KIRREL2: variants seen among roughly 807,000 people sequenced by gnomAD.
KIRREL2 encodes kin of IRRE-like protein 2.
KIRREL2 carries 56 observed loss-of-function variants against 73.4 expected under a neutral mutation model. The observed-to-expected ratio is 0.76, with a 90% CI of 0.62 to 0.95. KIRREL2 has a LOEUF of 0.95. Ranked by LOEUF, KIRREL2 falls within the 40% of genes least tolerant of loss-of-function variation. KIRREL2 has a pLI of 0.00. For missense variants in KIRREL2, 896 were observed against 935.0 expected (o/e 0.96, Z 0.54); for synonymous variants, 407 against 404.0 (o/e 1.01, Z -0.09).
chr19:35,854,961 G>A (rs1973372749), upstream of KIRREL2, among the ~76,000 whole-genome samples: 1 of 152,060 alleles, frequency 6.6e-6, no homozygotes, highest in Non-Finnish European at 1.5e-5. Context: ...ACATACACTT[G>A]CCTGGGATAA....
rs773158427 is a variant in KIRREL2, at chr19:35,858,782, G to A, written c.440G>A (p.Arg147Gln). Residue 147 changes from arginine (R) to glutamine (Q), a missense_variant, in exon 4 of 15, where the codon CGG becomes CAG. Transcript: ENST00000360202. ...GGAGTTCCTGCGAACCTGACATGTCGGAGCCGTGGGGATGCCCGCCCTACC... is the reference window on the plus strand; with the variant it reads ...GGAGTTCCTGCGAACCTGACATGTCAGAGCCGTGGGGATGCCCGCCCTACC... The part of the protein sequence containing the change: ...VAGVPANLTC[R>Q]SRGDARPTPE... 8.7e-6 allele frequency: 14 copies of A among 1,614,040 alleles called. No homozygotes were observed. The highest frequency in any genetic ancestry group is 3.3e-5 in the Admixed American group (2 of 59,992).
chr19:35,853,114 A>T (rs2146836886), upstream of KIRREL2, among the ~76,000 whole-genome samples: 1 of 152,136 alleles, frequency 6.6e-6, no homozygotes, highest in Admixed American at 6.5e-5. Flanking sequence ...TTTTTAGTAG[A>T]CATCAGTGCC....
chr19:35,851,846 C>A, upstream of KIRREL2: 1 of 1,550,404 alleles, frequency 6.4e-7, no homozygotes, highest in Non-Finnish European at 8.7e-7. Context: ...ATCACAGGTC[C>A]CCCTACTGTG....
In KIRREL2 at chr19:35,860,410, C is replaced by A. The variant is rs756304802; in HGVS notation, c.779+8C>A. 2.5e-6 allele frequency: 4 copies of A among 1,611,346 alleles called. No individual in the cohort carries two copies. The highest frequency in any genetic ancestry group is 3.4e-6 in the Non-Finnish European group (4 of 1,179,386). On this transcript the variant is annotated splice_region_variant and intron_variant, in intron 6 of 14. Transcript: ENST00000360202. ...TCCTGTCACAGGCTACAGGTGAGGACGAAGACCCACCTCTCCCCAGCCCCA... is the reference window on the plus strand; with the variant it reads ...TCCTGTCACAGGCTACAGGTGAGGAAGAAGACCCACCTCTCCCCAGCCCCA...
chr19:35,856,814 G>A (rs1973439971), upstream of KIRREL2: 4 of 462,386 alleles, frequency 8.7e-6, no homozygotes, highest in African/African-American at 2.0e-5. This position sits in a 1 kb window ranked among gnomAD's most constrained non-coding sequence, Gnocchi z 5.9. Flanking sequence ...ATTCATCCGC[G>A]TCTCAGCCGC....
intron 10 of KIRREL2, 26 bp downstream of exon 10, chr19:35,861,667 A>AC: frequency 6.2e-7 from 1 of 1,609,416 alleles, no homozygotes; most frequent in Non-Finnish European, 8.5e-7. Context: ...TCCTCCCGTG[A>AC]CCCATCCAGC....
In KIRREL2 at chr19:35,863,048, G is replaced by C; in HGVS notation, c.1725+12G>C. The stretch of plus-strand genomic sequence containing the variant: ...GCCGCGAGGACCGGGTAGGATGCCA[G>C]GGTCCCCAGACCTGACTGTGCCTCC... On this transcript the variant is annotated intron_variant, in intron 13 of 14. Transcript: ENST00000360202. 2.0e-6 allele frequency: 3 copies of C among 1,482,894 alleles called. No homozygotes were observed. Among genetic ancestry groups the C allele is most frequent in the African/African-American group, 1.4e-5 (1 of 72,556 alleles). 91.9% of individuals were successfully genotyped at this position (1,482,894 alleles called of 1,614,324 possible).
At chr19:35,863,094 T>G in intron 13 of KIRREL2, 58 bp downstream of exon 13, 1 of 965,240 alleles carries the variant, frequency 1.0e-6, no homozygotes, top group East Asian at 2.6e-5. Flanking sequence ...AATAGCCCAG[T>G]CCCAAGAGGG....
intron 13 of KIRREL2, among the ~76,000 whole-genome samples, chr19:35,864,139 A>G (rs1973847512): frequency 6.6e-6 from 1 of 151,726 alleles, no homozygotes; most frequent in Admixed American, 6.6e-5. Flanking sequence ...CCCTGACCCA[A>G]TTATTCCCTA....
Position 35,862,487 on chromosome 19 carries a change from CT to C in KIRREL2, c.1511-5del. 1 of 1,606,344 alleles carries C rather than the reference CT, an allele frequency of 6.2e-7. No individual in the cohort carries two copies. On this transcript the variant is annotated splice_polypyrimidine_tract_variant and splice_region_variant and intron_variant, in intron 11 of 14. Coordinates refer to ENST00000360202, the MANE Select transcript of KIRREL2 (RefSeq NM_199180.4). ...CTTCTCAGGATGTCCCCTCTGCTCC[CT>C]GCAGACTTGCTGCCCACTGTGCGGA...
intron 14 of KIRREL2, among the ~76,000 whole-genome samples, chr19:35,865,693 A>C (rs192131065): frequency 2.0e-5 from 3 of 152,068 alleles, no homozygotes; most frequent in African/African-American, 7.2e-5. Context: ...GTCATTGCCT[A>C]TGCCTTTCCC....
In KIRREL2 at chr19:35,866,862, G is replaced by A. The variant is rs1839257813; in HGVS notation, c.*370G>A. ...TCAAGATGACCATCTGCATTGAGAG[G>A]AAAGGTAGCATAGGATAGATGAAGA... On this transcript the variant is annotated 3_prime_UTR_variant, in exon 15 of 15. Coordinates refer to ENST00000360202, the MANE Select transcript of KIRREL2 (RefSeq NM_199180.4). 2 of 361,064 alleles carry A rather than the reference G, an allele frequency of 5.5e-6. No homozygotes were observed. The highest frequency in any genetic ancestry group is 5.0e-5 in the Admixed American group (1 of 19,964). 22.4% of individuals were successfully genotyped at this position (361,064 alleles called of 1,614,324 possible).
chr19:35,852,383 A>G (rs1973293478), upstream of KIRREL2, among the ~76,000 whole-genome samples: 2 of 151,566 alleles, frequency 1.3e-5, no homozygotes, highest in South Asian at 4.1e-4. Flanking sequence ...CACTACTCAC[A>G]GCCTTTCAAG....
At chr19:35,866,103 C>T in intron 14 of KIRREL2, 54 bp from the exon 15 acceptor site, 1 of 1,551,576 alleles carries the variant, frequency 6.4e-7, no homozygotes, top group Non-Finnish European at 8.7e-7. Context: ...CATCAGTGAC[C>T]CTCATCCCCC....
At chr19:35,863,974 A>G (rs1011686861) in intron 13 of KIRREL2, among the ~76,000 whole-genome samples, 6 of 151,006 alleles carry the variant, frequency 4.0e-5, no homozygotes, top group African/African-American at 1.2e-4. Flanking sequence ...CGAGGTGTAT[A>G]CCGTGTTAGC....
intron 13 of KIRREL2, among the ~76,000 whole-genome samples, chr19:35,863,854 A>G (rs1763575256): frequency 6.6e-6 from 1 of 150,710 alleles, no homozygotes; most frequent in African/African-American, 2.4e-5. Context: ...ACTCACTGCA[A>G]GCTCCACCTC....
At position 35,862,613 on chromosome 19, in the gene KIRREL2, C is replaced by A; in HGVS notation, c.1615+16C>A. 1 of 1,578,812 alleles carries A rather than the reference C, an allele frequency of 6.3e-7. No homozygotes were observed. Among genetic ancestry groups the A allele is most frequent in the Non-Finnish European group, 8.6e-7 (1 of 1,156,920 alleles). ...CACAGCAAGGGTTAGTGCCTGAGCC[C>A]CGCCCCGGCTCCCGAGGCCCCAGCC... is the stretch of plus-strand genomic sequence containing the variant. On this transcript the variant is annotated intron_variant, in intron 12 of 14. Coordinates refer to ENST00000360202, the MANE Select transcript of KIRREL2 (RefSeq NM_199180.4).
upstream of KIRREL2, chr19:35,855,875 C>T (rs1215643922): frequency 6.6e-6 from 1 of 152,080 alleles, no homozygotes; most frequent in Admixed American, 6.6e-5. Flanking sequence ...CTTGAGTGCA[C>T]CTTGAGTCTC....
chr19:35,865,455 T>C (rs1973928227), intron 14 of KIRREL2, among the ~76,000 whole-genome samples: 1 of 152,206 alleles, frequency 6.6e-6, no homozygotes, highest in Admixed American at 6.5e-5. Flanking sequence ...CCAGCCGACA[T>C]GCCATTCTCT....
Sources: allele counts gnomAD v4.1 joint callset (sites outside exome capture counted in the v4.1 genomes callset), GRCh38; gene constraint gnomAD v4.1.1; non-coding constraint Gnocchi (gnomAD v3.1); transcripts MANE v1.5; gene names NCBI Gene and HGNC (gene_info 2026-07-23, HGNC 2026-07-21).